RAB15: variants seen among roughly 807,000 people sequenced by gnomAD.
RAB15 encodes the protein ras-related protein Rab-15.
A neutral mutation model predicts 31.8 loss-of-function variants in RAB15; 13 were observed. The observed-to-expected ratio is 0.41, with a 90% CI of 0.27 to 0.65. The LOEUF (loss-of-function observed/expected upper bound fraction) is 0.65. Ranked by LOEUF, RAB15 falls within the 30% of genes least tolerant of loss-of-function variation. RAB15 has a pLI of 0.32. For synonymous variants in RAB15, 100 were observed against 105.6 expected (o/e 0.95, Z 0.33); for missense variants, 220 against 277.3 (o/e 0.79, Z 1.47).
intron 1 of RAB15, among the ~76,000 whole-genome samples, chr14:64,965,811 G>T (rs1008698788): frequency 3.3e-5 from 5 of 152,210 alleles, no homozygotes; most frequent in Admixed American, 1.3e-4. Flanking sequence ...AGGTAGGCGG[G>T]AGGAACCGGT....
In RAB15 at chr14:64,948,401, C is replaced by T. The variant is rs1886034942; in HGVS notation, c.592G>A (p.Gly198Ser). 1 of 1,603,552 alleles carries T rather than the reference C, an allele frequency of 6.2e-7. No individual in the cohort carries two copies. The highest frequency in any genetic ancestry group is 8.5e-7 in the Non-Finnish European group (1 of 1,175,478). The change falls in exon 7 of 7, where the codon GGC becomes AGC. Residue 198 changes from glycine to serine, a missense_variant. Physicochemically the swap from Gly to Ser is moderately conservative, Grantham distance 56. Transcript: ENST00000533601. The surrounding 1 kb of genome is among the most constrained non-coding windows in gnomAD (Gnocchi z 7.0). ...LALAELEEEE[G>S]KPEGPANSSK... The stretch of plus-strand genomic sequence containing the variant: ...GAGTTCGCTGGGCCCTCGGGTTTGC[C>T]CTCCTCCTCCTCCAGCTCTGCCAGT...
rs867236135 is a variant in RAB15 at position 64,953,742 on chromosome 14, T to C, written c.125-1171A>G. 2 of 952,540 alleles carry C rather than the reference T, an allele frequency of 2.1e-6. No individual in the cohort carries two copies. The highest frequency in any genetic ancestry group is 4.9e-5 in the South Asian group (1 of 20,604). The allele number at this position is 952,540 out of a possible 1,614,324, so 59.0% of individuals were successfully genotyped here. On this transcript the variant is annotated intron_variant, in intron 1 of 6. Transcript: ENST00000533601. This position sits in a 1 kb window ranked among gnomAD's most constrained non-coding sequence, Gnocchi z 4.6. ...CAACTCTAACTATACCCAGGCACTATGCCCAGGGATTCAAGAGCTACGTCT... is the reference window on the plus strand; with the variant it reads ...CAACTCTAACTATACCCAGGCACTACGCCCAGGGATTCAAGAGCTACGTCT...
At chr14:64,949,518 C>T (rs1169608964) in intron 5 of RAB15, among the ~76,000 whole-genome samples, 2 of 152,056 alleles carry the variant, frequency 1.3e-5, no homozygotes, top group Admixed American at 6.6e-5. Context: ...GTTAGGAGTT[C>T]GAGACCGGCC....
chr14:64,969,591 C>T (rs1337059644), intron 1 of RAB15, among the ~76,000 whole-genome samples: 1 of 152,110 alleles, frequency 6.6e-6, no homozygotes, highest in East Asian at 1.9e-4. Flanking sequence ...GAAAGGGGGA[C>T]CCTAGAGAAT....
Position 64,968,333 on chromosome 14 carries a change from T to G in RAB15, c.124+3620A>C, listed in dbSNP as rs72728217. Reference sequence around the variant, plus strand: ...ATCTGCTCCCTTCTGCTGCAGGAACTGACGAGCAGCCCACACTGAGGCCTA... The same window carrying G: ...ATCTGCTCCCTTCTGCTGCAGGAACGGACGAGCAGCCCACACTGAGGCCTA... On this transcript the variant is annotated intron_variant, in intron 1 of 6. Coordinates refer to ENST00000533601, the MANE Select transcript of RAB15 (RefSeq NM_001308154.2). The surrounding 1 kb of genome is among the most constrained non-coding windows in gnomAD (Gnocchi z 4.9). Among the ~76,000 whole-genome samples, 481 of 152,282 alleles carry G rather than the reference T, an allele frequency of 3.2e-3. 4 individuals are homozygous for G. Among genetic ancestry groups the G allele is most frequent in the Admixed American group, 9.1e-3 (139 of 15,296 alleles).
Position 64,951,122 on chromosome 14 carries a change from G to A in RAB15, c.276C>T (p.Ser92=), listed in dbSNP as rs755864660. 7.4e-6 allele frequency: 12 copies of A among 1,612,422 alleles called. No individual in the cohort carries two copies. The highest frequency in any genetic ancestry group is 6.7e-5 in the Admixed American group (4 of 59,998). The part of the protein sequence containing the change: ...QGIFLVYDIS[S]ERSYQHIMKW... ...TCATGATGTGCTGGTAAGAGCGCTCGCTGCTAATGTCATAGACCAAAAATA... is the reference window on the plus strand; with the variant it reads ...TCATGATGTGCTGGTAAGAGCGCTCACTGCTAATGTCATAGACCAAAAATA... Residue 92 remains serine, a synonymous_variant, in exon 4 of 7, where the codon AGC becomes AGT. Coordinates refer to ENST00000533601, the MANE Select transcript of RAB15 (RefSeq NM_001308154.2). The surrounding 1 kb of genome is among the most constrained non-coding windows in gnomAD (Gnocchi z 7.2).
In RAB15 at chr14:64,971,633, C is replaced by T. The variant is rs1378554752; in HGVS notation, c.124+320G>A. On this transcript the variant is annotated intron_variant, in intron 1 of 6. Coordinates refer to ENST00000533601, the MANE Select transcript of RAB15 (RefSeq NM_001308154.2). This position sits in a 1 kb window ranked among gnomAD's most constrained non-coding sequence, Gnocchi z 4.1. ...TGGGGGTGTGGGGATGTTATTCCAG[C>T]GGCTACGATTCTTGCTACCCCAGCT... Among the ~76,000 whole-genome samples, 1 of 152,036 alleles carries T rather than the reference C, an allele frequency of 6.6e-6. No homozygotes were observed. The highest frequency in any genetic ancestry group is 2.4e-5 in the African/African-American group (1 of 41,398).
rs1566842682 is a variant in RAB15 at position 64,951,736 on chromosome 14, T to C, written c.186-73A>G. On this transcript the variant is annotated intron_variant, in intron 2 of 6. Transcript: ENST00000533601. This position sits in a 1 kb window ranked among gnomAD's most constrained non-coding sequence, Gnocchi z 7.2. ...GACGGGGAGGGGAAGAGCAGAGCTG[T>C]CCCCTTGTAGGAAAAACTGGGGAGC... is the stretch of plus-strand genomic sequence containing the variant. The C allele has an allele frequency of 1.5e-6, 2 of 1,359,822 alleles. No homozygotes were observed. The highest frequency in any genetic ancestry group is 4.6e-5 in the East Asian group (2 of 43,746). 84.2% of individuals were successfully genotyped at this position (1,359,822 alleles called of 1,614,324 possible).
intron 1 of RAB15, among the ~76,000 whole-genome samples, chr14:64,961,665 T>C (rs2139992124): frequency 6.6e-6 from 1 of 152,290 alleles, no homozygotes; most frequent in East Asian, 1.9e-4. Flanking sequence ...CCCAGCACTT[T>C]GGGAAGCCAA....
At position 64,950,455 on chromosome 14, in the gene RAB15, C is replaced by T; in HGVS notation, c.325-41G>A. ...GGGCAGAACAGCCAGTGAGTGCTGC[C>T]TGCCCCCCCAATTTTCCCTACAGAG... On this transcript the variant is annotated intron_variant, in intron 4 of 6. Transcript: ENST00000533601. The surrounding 1 kb of genome is among the most constrained non-coding windows in gnomAD (Gnocchi z 5.6). The T allele has an allele frequency of 6.6e-7, 1 of 1,520,980 alleles. No individual in the cohort carries two copies. Among genetic ancestry groups the T allele is most frequent in the Non-Finnish European group, 9.1e-7 (1 of 1,096,972 alleles). The allele number at this position is 1,520,980 out of a possible 1,614,324, so 94.2% of individuals were successfully genotyped here.
rs1218288201 is a variant in RAB15 at position 64,948,334 on chromosome 14, TG to T, written c.*19del. On this transcript the variant is annotated 3_prime_UTR_variant, in exon 7 of 7. Transcript: ENST00000533601. The surrounding 1 kb of genome is among the most constrained non-coding windows in gnomAD (Gnocchi z 7.0). ...CTCCTGAGGGAAGAGGGGTGTCGTG[TG>T]GGGTGCCCCACACAGGACTCAGCAC... The T allele has an allele frequency of 6.7e-7, 1 of 1,499,092 alleles. No homozygotes were observed. Among genetic ancestry groups the T allele is most frequent in the Non-Finnish European group, 8.8e-7 (1 of 1,130,518 alleles). 92.9% of individuals were successfully genotyped at this position (1,499,092 alleles called of 1,614,324 possible). A position where few individuals can be genotyped will look rare whatever the true frequency, so the allele number is the denominator to read the frequency against.
chr14:64,971,353 C>T lies in RAB15; in HGVS notation c.124+600G>A, dbSNP rs575832953. Among the ~76,000 whole-genome samples the T allele has an allele frequency of 6.6e-6, 1 of 152,192 alleles. No individual in the cohort carries two copies. Among genetic ancestry groups the T allele is most frequent in the Non-Finnish European group, 1.5e-5 (1 of 68,026 alleles). On this transcript the variant is annotated intron_variant, in intron 1 of 6. Transcript: ENST00000533601. The surrounding 1 kb of genome is among the most constrained non-coding windows in gnomAD (Gnocchi z 4.1). ...CCATCCTCTTTAGCCTCCCTCAGAA[C>T]AGATGTCTCCTCTTCCCAGGCGCAG...
rs1039125119 is a variant in RAB15, at chr14:64,946,201, G to C, written c.*2153C>G. 5 of 152,134 alleles carry C rather than the reference G, an allele frequency of 3.3e-5. No homozygotes were observed. 9.4% of individuals were successfully genotyped at this position (152,134 alleles called of 1,614,324 possible). A position where few individuals can be genotyped will look rare whatever the true frequency, so the allele number is the denominator to read the frequency against. On this transcript the variant is annotated 3_prime_UTR_variant, in exon 7 of 7. Transcript: ENST00000533601. ...TCCTGATTCCATGTTTTCCCTTCCA[G>C]AACCCCTAGGGTACAGTACAAATAT...
Position 64,950,463 on chromosome 14 carries a change from C to G in RAB15, c.325-49G>C, listed in dbSNP as rs757300823. On this transcript the variant is annotated intron_variant, in intron 4 of 6. Coordinates refer to ENST00000533601, the MANE Select transcript of RAB15 (RefSeq NM_001308154.2). This position sits in a 1 kb window ranked among gnomAD's most constrained non-coding sequence, Gnocchi z 5.6. ...CAGCCAGTGAGTGCTGCCTGCCCCC[C>G]CAATTTTCCCTACAGAGTCTGCACT... is the stretch of plus-strand genomic sequence containing the variant. The G allele has an allele frequency of 2.0e-5, 30 of 1,468,594 alleles. No individual in the cohort carries two copies. The highest frequency in any genetic ancestry group is 1.9e-4 in the African/African-American group (14 of 72,012). The allele number at this position is 1,468,594 out of a possible 1,614,324, so 91.0% of individuals were successfully genotyped here.
intron 1 of RAB15, among the ~76,000 whole-genome samples, chr14:64,963,264 C>T (rs896362302): frequency 6.6e-6 from 1 of 151,854 alleles, no homozygotes; most frequent in Non-Finnish European, 1.5e-5. Flanking sequence ...GGACTACAGG[C>T]GTGCTCTACC....
At position 64,959,348 on chromosome 14, in the gene RAB15, A is replaced by C. The variant is rs148484797; in HGVS notation, c.125-6777T>G. On this transcript the variant is annotated intron_variant, in intron 1 of 6. Coordinates refer to ENST00000533601, the MANE Select transcript of RAB15 (RefSeq NM_001308154.2). The stretch of plus-strand genomic sequence containing the variant: ...CCCAAGCTAGTGAGCCAGATGCTTC[A>C]ACAAGGGGGCTGGAAGGAAGACCTC... Among the ~76,000 whole-genome samples the C allele has an allele frequency of 2.0e-3, 298 of 152,250 alleles. 2 individuals carry two copies. The highest frequency in any genetic ancestry group is 6.7e-3 in the African/African-American group (280 of 41,528).
rs1490157205 is a variant in RAB15 at position 64,968,996 on chromosome 14, T to C, written c.124+2957A>G. ...CAGGCCGTTAAAGTGGAGTACACAG[T>C]AAATCACAAAAGTACTGGCCTAGGT... On this transcript the variant is annotated intron_variant, in intron 1 of 6. Coordinates refer to ENST00000533601, the MANE Select transcript of RAB15 (RefSeq NM_001308154.2). This position sits in a 1 kb window ranked among gnomAD's most constrained non-coding sequence, Gnocchi z 4.9. 6.6e-6 allele frequency among the ~76,000 whole-genome samples: 1 copy of C among 152,188 alleles called. No homozygotes were observed.
At position 64,951,411 on chromosome 14, in the gene RAB15, G is replaced by A. The variant is rs976187894; in HGVS notation, c.246+192C>T. ...GGGTGGAAGTCAGGGGTGAGGGCAGGGGCCTGCCTGCAGTGAGTGGGCCAT... is the reference window on the plus strand; with the variant it reads ...GGGTGGAAGTCAGGGGTGAGGGCAGAGGCCTGCCTGCAGTGAGTGGGCCAT... On this transcript the variant is annotated intron_variant, in intron 3 of 6. Coordinates refer to ENST00000533601, the MANE Select transcript of RAB15 (RefSeq NM_001308154.2). The surrounding 1 kb of genome is among the most constrained non-coding windows in gnomAD (Gnocchi z 7.2). Among the ~76,000 whole-genome samples the A allele has an allele frequency of 2.6e-5, 4 of 152,194 alleles. No individual in the cohort carries two copies. Among genetic ancestry groups the A allele is most frequent in the Non-Finnish European group, 5.9e-5 (4 of 68,046 alleles).
Position 64,971,324 on chromosome 14 carries a change from T to C in RAB15, c.124+629A>G, listed in dbSNP as rs1887404368. ...TGGTCTGGGCAGGTATTCCTGACAC[T>C]CCTCCATCCTCTTTAGCCTCCCTCA... is the stretch of plus-strand genomic sequence containing the variant. On this transcript the variant is annotated intron_variant, in intron 1 of 6. Coordinates refer to ENST00000533601, the MANE Select transcript of RAB15 (RefSeq NM_001308154.2). This position sits in a 1 kb window ranked among gnomAD's most constrained non-coding sequence, Gnocchi z 4.1. 2.0e-5 allele frequency among the ~76,000 whole-genome samples: 3 copies of C among 152,094 alleles called. No homozygotes were observed. In the South Asian group the frequency reaches 6.2e-4, roughly 31 times the overall value.
Sources: allele counts gnomAD v4.1 joint callset (sites outside exome capture counted in the v4.1 genomes callset), GRCh38; gene constraint gnomAD v4.1.1; non-coding constraint Gnocchi (gnomAD v3.1); transcripts MANE v1.5; gene names NCBI Gene and HGNC (gene_info 2026-07-23, HGNC 2026-07-21).